MON2: variants seen among roughly 807,000 people sequenced by gnomAD.
MON2 encodes the protein protein MON2 homolog.
In MON2, 84 loss-of-function variants were observed where a neutral mutation model predicts 208.6. The observed-to-expected ratio is 0.40, with a 90% CI of 0.34 to 0.48. The LOEUF is 0.48. Among genes scored for constraint, MON2 ranks in the 20% least tolerant of loss-of-function variants. The pLI is 0.59. For missense variants in MON2, 1,611 were observed against 2,015.4 expected, an observed-to-expected ratio of 0.80 and a Z score of 3.84; for synonymous variants, 660 against 694.0, an observed-to-expected ratio of 0.95 and a Z score of 0.77.
chr12:62,522,756 T>C (rs1319218774), intron 8 of MON2, among the ~76,000 whole-genome samples: 1 of 152,196 alleles, frequency 6.6e-6, no homozygotes, highest in Non-Finnish European at 1.5e-5. Flanking sequence ...CCTTGTTCAG[T>C]GTTCAGTGCT....
chr12:62,515,546 T>C (rs2071639003), intron 8 of MON2, among the ~76,000 whole-genome samples: 1 of 152,180 alleles, frequency 6.6e-6, no homozygotes. Context: ...CCAGGTGCAG[T>C]GGTGCATGCC....
At chr12:62,487,893 C>T (rs1190098847) in intron 2 of MON2, among the ~76,000 whole-genome samples, 1 of 152,050 alleles carries the variant, frequency 6.6e-6, no homozygotes, top group Non-Finnish European at 1.5e-5. Flanking sequence ...TTCTGTTTAG[C>T]CTACCTACTC....
intron 2 of MON2, chr12:62,489,921 A>G: frequency 6.7e-6 from 3 of 444,538 alleles, no homozygotes; most frequent in Non-Finnish European, 1.0e-5. Context: ...ATTTTCTTTC[A>G]TAAGAATTGA....
chr12:62,596,378 T>C lies in MON2; in HGVS notation c.*3629T>C, dbSNP rs987784368. The C allele has an allele frequency of 3.9e-5, 6 of 152,200 alleles. No individual in the cohort carries two copies. Among genetic ancestry groups the C allele is most frequent in the Admixed American group, 2.0e-4 (3 of 15,278 alleles). 9.4% of individuals were successfully genotyped at this position (152,200 alleles called of 1,614,324 possible). A position where few individuals can be genotyped will look rare whatever the true frequency, so the allele number is the denominator to read the frequency against. Reference sequence around the variant, plus strand: ...GAACACTTACAGGAGTCCCTAACTGTGCCACCCTTGGAATGGGTTAGTGTA... The same window carrying C: ...GAACACTTACAGGAGTCCCTAACTGCGCCACCCTTGGAATGGGTTAGTGTA... On this transcript the variant is annotated 3_prime_UTR_variant, in exon 35 of 35. Coordinates refer to ENST00000393630, the MANE Select transcript of MON2 (RefSeq NM_015026.3).
At chr12:62,520,859 A>G (rs1592943054) in intron 8 of MON2, among the ~76,000 whole-genome samples, 3 of 147,054 alleles carry the variant, frequency 2.0e-5, no homozygotes, top group Middle Eastern at 7.2e-3. Flanking sequence ...ATATAATTAT[A>G]TATTATATAA....
intron 8 of MON2, among the ~76,000 whole-genome samples, chr12:62,517,619 C>A (rs1190967500): frequency 1.3e-5 from 2 of 152,126 alleles, no homozygotes; most frequent in Non-Finnish European, 2.9e-5. Context: ...CATGTGAAGA[C>A]AAAGGAAGAA....
intron 26 of MON2, among the ~76,000 whole-genome samples, chr12:62,562,152 A>T (rs1035595707): frequency 3.3e-5 from 5 of 152,140 alleles, no homozygotes; most frequent in Non-Finnish European, 7.4e-5. Context: ...TGGACATGCA[A>T]ATAAGTTGCT....
chr12:62,572,326 G>C (rs2074622705), intron 30 of MON2, among the ~76,000 whole-genome samples: 1 of 152,224 alleles, frequency 6.6e-6, no homozygotes, highest in Admixed American at 6.5e-5. Flanking sequence ...ACAGAAAGTT[G>C]TGTTGGGCAG....
intron 5 of MON2, among the ~76,000 whole-genome samples, chr12:62,500,333 T>A (rs536386752): frequency 4.1e-4 from 63 of 152,306 alleles, no homozygotes; most frequent in Non-Finnish European, 7.1e-4. Context: ...TCTTAGCTGG[T>A]GAGTATCTGT....
At chr12:62,585,627 A>T in intron 33 of MON2, 126 bp downstream of exon 33, 1 of 703,264 alleles carries the variant, frequency 1.4e-6, no homozygotes, top group South Asian at 2.4e-5. Flanking sequence ...TTATAATCTT[A>T]TTTATCCCAT....
At chr12:62,574,141 G>T (rs2074695752) in intron 30 of MON2, among the ~76,000 whole-genome samples, 1 of 152,166 alleles carries the variant, frequency 6.6e-6, no homozygotes, top group Non-Finnish European at 1.5e-5. Context: ...CAGGGTTATT[G>T]TGAGGATTAA....
At chr12:62,537,303 C>G (rs73141045) in intron 15 of MON2, 40 bp downstream of exon 15, 208,870 of 1,403,284 alleles carry the variant, frequency 0.15, 17,239 homozygotes, top group Middle Eastern at 0.25. Context: ...AATTAGCTAT[C>G]AAGGAAACTT....
chr12:62,511,812 A>G (rs1250365805), intron 8 of MON2, among the ~76,000 whole-genome samples: 4 of 152,238 alleles, frequency 2.6e-5, no homozygotes, highest in African/African-American at 9.6e-5. Flanking sequence ...AGAAGCCAGC[A>G]GAGTTGTATT....
At chr12:62,563,773 T>C (rs930496280) in intron 26 of MON2, among the ~76,000 whole-genome samples, 4 of 152,150 alleles carry the variant, frequency 2.6e-5, no homozygotes, top group African/African-American at 7.2e-5. Context: ...GTCATTAATT[T>C]GTGTTAAGAT....
chr12:62,503,212 T>C (rs1287178087), intron 7 of MON2, among the ~76,000 whole-genome samples: 2 of 152,210 alleles, frequency 1.3e-5, no homozygotes. Flanking sequence ...AACTACAACA[T>C]CCAGAGGGTT....
intron 7 of MON2, among the ~76,000 whole-genome samples, chr12:62,506,019 A>G (rs1360793877): frequency 1.3e-5 from 2 of 152,156 alleles, no homozygotes; most frequent in African/African-American, 2.4e-5. Context: ...TAGAGTTGGG[A>G]TGGTTGGTGA....
intron 1 of MON2, among the ~76,000 whole-genome samples, chr12:62,481,451 G>T (rs998367432): frequency 7.3e-5 from 11 of 151,470 alleles, no homozygotes; most frequent in African/African-American, 2.7e-4. Flanking sequence ...GCGTGAACCC[G>T]GGAGGCGGAG....
intron 7 of MON2, among the ~76,000 whole-genome samples, chr12:62,506,531 G>A (rs1309991165): frequency 1.3e-5 from 2 of 152,182 alleles, no homozygotes; most frequent in South Asian, 4.1e-4. Flanking sequence ...GGTCAGGAGA[G>A]CCTGCCCAAC....
intron 18 of MON2, 36 bp from the exon 19 acceptor site, chr12:62,538,379 A>G: frequency 1.3e-6 from 2 of 1,586,662 alleles, no homozygotes; most frequent in East Asian, 4.5e-5. Flanking sequence ...TATATATTTT[A>G]GATCAAGATG....
Sources: allele counts gnomAD v4.1 joint callset (sites outside exome capture counted in the v4.1 genomes callset), GRCh38; gene constraint gnomAD v4.1.1; transcripts MANE v1.5; gene names NCBI Gene and HGNC (gene_info 2026-07-23, HGNC 2026-07-21).